Variants in ATP5F1E observed in about 807,000 individuals in gnomAD.
The protein encoded by ATP5F1E is ATP synthase F(1) complex subunit epsilon, mitochondrial.
In ATP5F1E, 5 loss-of-function variants were observed where a neutral mutation model predicts 7.0. The ratio of observed to expected loss-of-function variants is 0.71; its 90% confidence interval spans 0.37 to 1.49. The LOEUF (loss-of-function observed/expected upper bound fraction) is 1.49, where lower values mean the gene tolerates loss of function less well. Ranked by LOEUF, ATP5F1E falls within the 40% of genes most tolerant of loss-of-function variation. The pLI, the probability that ATP5F1E is intolerant of heterozygous loss-of-function variation, is 0.03. For synonymous variants in ATP5F1E, 20 were observed against 20.1 expected (o/e 0.99, Z 0.02); for missense variants, 59 against 57.1 (o/e 1.03, Z -0.11).
Position 59,028,154 on chromosome 20 carries a change from A to T in ATP5F1E, c.*691T>A, listed in dbSNP as rs2092004210. 6.6e-6 allele frequency: 1 copy of T among 152,238 alleles called. No individual in the cohort carries two copies. The highest frequency in any genetic ancestry group is 2.1e-4 in the South Asian group (1 of 4,834). 9.4% of individuals were successfully genotyped at this position (152,238 alleles called of 1,614,324 possible). On this transcript the variant is annotated 3_prime_UTR_variant, in exon 3 of 3. Coordinates refer to ENST00000243997, the MANE Select transcript of ATP5F1E (RefSeq NM_006886.4). ...TCACCGTGTCCCAGACTTGCAGTCAAAACTCCTAGGTTTTAATTTCAGTTT... is the reference window on the plus strand; with the variant it reads ...TCACCGTGTCCCAGACTTGCAGTCATAACTCCTAGGTTTTAATTTCAGTTT...
intron 2 of ATP5F1E, 162 bp downstream of exon 2, chr20:59,030,141 A>C: frequency 3.9e-4 from 289 of 743,852 alleles, no homozygotes; most frequent in Non-Finnish European, 5.2e-4. Context: ...AGGCCAGGGG[A>C]CTTCTATAAC....
In ATP5F1E at chr20:59,032,118, G is replaced by A. The variant is rs1050734602; in HGVS notation, c.32+102C>T. The A allele has an allele frequency of 2.7e-6, 4 of 1,492,132 alleles. No individual in the cohort carries two copies. The East Asian group carries it at 9.9e-5, about 37-fold the overall frequency. 92.4% of individuals were successfully genotyped at this position (1,492,132 alleles called of 1,614,324 possible). On this transcript the variant is annotated intron_variant, in intron 1 of 2. Coordinates refer to ENST00000243997, the MANE Select transcript of ATP5F1E (RefSeq NM_006886.4). ...ACGCCCGAGGCTTGGCCCAACCCCG[G>A]TCACGCGTGGGGCCGCTGCTCTGTG...
In ATP5F1E at chr20:59,027,786, G is replaced by T. The variant is rs2146380661; in HGVS notation, c.*1059C>A. On this transcript the variant is annotated 3_prime_UTR_variant, in exon 3 of 3. Coordinates refer to ENST00000243997, the MANE Select transcript of ATP5F1E (RefSeq NM_006886.4). Reference sequence around the variant, plus strand: ...TGCTGAGAATTCAGTAAAACCTACAGGTCAAGTGTCGGGACAATAAGTCAT... The same window carrying T: ...TGCTGAGAATTCAGTAAAACCTACATGTCAAGTGTCGGGACAATAAGTCAT... 1 of 152,336 alleles carries T rather than the reference G, an allele frequency of 6.6e-6. No homozygotes were observed. Among genetic ancestry groups the T allele is most frequent in the East Asian group, 1.9e-4 (1 of 5,188 alleles). The allele number at this position is 152,336 out of a possible 1,614,324, so 9.4% of individuals were successfully genotyped here. A position where few individuals can be genotyped will look rare whatever the true frequency, so the allele number is the denominator to read the frequency against.
Position 59,027,344 on chromosome 20 carries a change from T to TA in ATP5F1E, c.*1500dup, listed in dbSNP as rs1167461122. On this transcript the variant is annotated 3_prime_UTR_variant, in exon 3 of 3. Coordinates refer to ENST00000243997, the MANE Select transcript of ATP5F1E (RefSeq NM_006886.4). Reference sequence around the variant, plus strand: ...CTACCAATCTACCATACCATCTATATACCAGTAATACCCCATCTGCCTCCT... The same window carrying TA: ...CTACCAATCTACCATACCATCTATATAACCAGTAATACCCCATCTGCCTCCT... The TA allele has an allele frequency of 1.3e-5, 2 of 152,158 alleles. No individual in the cohort carries two copies. Among genetic ancestry groups the TA allele is most frequent in the African/African-American group, 4.8e-5 (2 of 41,462 alleles). 9.4% of individuals were successfully genotyped at this position (152,158 alleles called of 1,614,324 possible).
Sources: allele counts gnomAD v4.1 joint callset, GRCh38; gene constraint gnomAD v4.1.1; transcripts MANE v1.5; gene names NCBI Gene and HGNC (gene_info 2026-07-23, HGNC 2026-07-21).